The following VPS13B variants were observed in gnomAD, a reference collection of about 807,000 sequenced individuals.
VPS13B encodes the protein vacuolar protein sorting 13 homolog B, also known as intermembrane lipid transfer protein VPS13B.
Under a neutral mutation model 426.4 loss-of-function variants are expected in VPS13B, and 285 were observed. The ratio of observed to expected loss-of-function variants is 0.67; its 90% CI spans 0.61 to 0.74. The LOEUF is 0.74. Ranked by LOEUF, VPS13B falls within the 30% of genes least tolerant of loss-of-function variation. The probability of loss-of-function intolerance (pLI) is 0.00; values close to 1 mark genes in which losing one functional copy is unlikely to be tolerated. For synonymous variants in VPS13B, 1,676 were observed against 1,676.4 expected (o/e 1.00, Z 0.01); for missense variants, 4,537 against 4,782.6 (o/e 0.95, Z 1.51).
intron 17 of VPS13B, among the ~76,000 whole-genome samples, chr8:99,213,610 C>T (rs900994755): frequency 6.6e-6 from 1 of 152,170 alleles, no homozygotes; most frequent in Non-Finnish European, 1.5e-5. Context: ...CCTGTATTTT[C>T]AGCTATGCCC....
chr8:99,674,845 T>C (rs1184616932), intron 35 of VPS13B, among the ~76,000 whole-genome samples: 1 of 152,138 alleles, frequency 6.6e-6, no homozygotes, highest in African/African-American at 2.4e-5. Flanking sequence ...TCTACTCTTA[T>C]ACTCCACTAC....
chr8:99,062,477 A>AT, intron 3 of VPS13B, among the ~76,000 whole-genome samples: 1 of 151,896 alleles, frequency 6.6e-6, no homozygotes, highest in Non-Finnish European at 1.5e-5. Flanking sequence ...TTATATGTTT[A>AT]TTTTTTTTGA....
intron 11 of VPS13B, 90 bp from the exon 12 acceptor site, chr8:99,136,575 A>G (rs950706223): frequency 3.3e-6 from 4 of 1,226,810 alleles, no homozygotes; most frequent in Admixed American, 1.7e-5. Flanking sequence ...TATACATTCT[A>G]TATAAAGATA....
chr8:99,413,711 G>T (rs1815825194), intron 21 of VPS13B, among the ~76,000 whole-genome samples: 1 of 152,148 alleles, frequency 6.6e-6, no homozygotes, highest in African/African-American at 2.4e-5. Context: ...TCAGGAGCAG[G>T]TTGTTCAGTT....
At chr8:99,539,071 G>A (rs1016616449) in intron 30 of VPS13B, among the ~76,000 whole-genome samples, 123 of 152,034 alleles carry the variant, frequency 8.1e-4, no homozygotes, top group African/African-American at 2.7e-3. Context: ...AGCTATTGTC[G>A]TCATAGCTTA....
chr8:99,068,511 T>G (rs923810265), intron 3 of VPS13B, among the ~76,000 whole-genome samples: 25 of 152,216 alleles, frequency 1.6e-4, no homozygotes, highest in Non-Finnish European at 2.2e-4. Context: ...GTTTGGTTGC[T>G]TTCATGCTCC....
At chr8:99,246,784 C>A (rs542465192) in intron 17 of VPS13B, among the ~76,000 whole-genome samples, 4 of 150,756 alleles carry the variant, frequency 2.7e-5, no homozygotes, top group African/African-American at 9.8e-5. Context: ...GAGAATCACT[C>A]GAACCTAGGA....
At chr8:99,270,861 T>G (rs903091327) in intron 17 of VPS13B, among the ~76,000 whole-genome samples, 4 of 152,166 alleles carry the variant, frequency 2.6e-5, no homozygotes, top group African/African-American at 9.7e-5. Flanking sequence ...TGGAACAGGG[T>G]AAGTTATCTA....
chr8:99,247,789 TC>T (rs1817301652), intron 17 of VPS13B, among the ~76,000 whole-genome samples: 2 of 152,232 alleles, frequency 1.3e-5, no homozygotes, highest in East Asian at 3.8e-4. Flanking sequence ...AATTTTTTTT[TC>T]ATTTCACTTG....
At chr8:99,874,675 G>C (rs1439111617) in intron 61 of VPS13B, among the ~76,000 whole-genome samples, 3 of 152,066 alleles carry the variant, frequency 2.0e-5, no homozygotes, top group African/African-American at 7.2e-5. Context: ...AGGGTAGGAA[G>C]AATTTATAGC....
intron 3 of VPS13B, among the ~76,000 whole-genome samples, chr8:99,076,033 T>G (rs1204715083): frequency 6.6e-6 from 1 of 152,176 alleles, no homozygotes; most frequent in Non-Finnish European, 1.5e-5. Context: ...GCTTTTCTTG[T>G]ATCTCATGAG....
At chr8:99,581,429 A>G (rs527335934) in intron 33 of VPS13B, among the ~76,000 whole-genome samples, 43 of 152,314 alleles carry the variant, frequency 2.8e-4, no homozygotes, top group African/African-American at 9.4e-4. Context: ...TGTCTCCCAC[A>G]TTAAACAAAA....
At chr8:99,227,910 C>A (rs2132847667) in intron 17 of VPS13B, among the ~76,000 whole-genome samples, 1 of 152,264 alleles carries the variant, frequency 6.6e-6, no homozygotes, top group Non-Finnish European at 1.5e-5. Context: ...TAACACTATG[C>A]TGCTGACCCA....
chr8:99,587,518 A>G (rs188590457), intron 33 of VPS13B, among the ~76,000 whole-genome samples: 1 of 151,640 alleles, frequency 6.6e-6, no homozygotes, highest in Non-Finnish European at 1.5e-5. Flanking sequence ...CTCCATTCCA[A>G]CTGGCATGAG....
At chr8:99,150,642 G>A (rs753534782) in intron 14 of VPS13B, among the ~76,000 whole-genome samples, 58 of 152,198 alleles carry the variant, frequency 3.8e-4, no homozygotes, top group Non-Finnish European at 2.9e-4. Context: ...ATAGTATGTA[G>A]CCTTTTCACA....
intron 33 of VPS13B, among the ~76,000 whole-genome samples, chr8:99,596,830 C>T (rs1223622933): frequency 6.6e-6 from 1 of 151,924 alleles, no homozygotes; most frequent in Non-Finnish European, 1.5e-5. Context: ...TGTTTTTCTG[C>T]TGTGTGCCCT....
rs73271362 is a variant in VPS13B, at chr8:99,725,504, T to C, written c.7050+4457T>C. Reference sequence around the variant, plus strand: ...CTGATCATCTGAAGTGGAACAGTTTTATCCCAAAATCATCTCCCCACCCCT... The same window carrying C: ...CTGATCATCTGAAGTGGAACAGTTTCATCCCAAAATCATCTCCCCACCCCT... On this transcript the variant is annotated intron_variant, in intron 39 of 61. Transcript: ENST00000357162. Among the ~76,000 whole-genome samples the C allele has an allele frequency of 6.2e-3, 950 of 152,348 alleles. 8 individuals are homozygous for C. The highest frequency in any genetic ancestry group is 0.041 in the Middle Eastern group (12 of 294).
intron 19 of VPS13B, among the ~76,000 whole-genome samples, chr8:99,376,296 GT>G (rs1405072881): frequency 2.0e-5 from 3 of 152,130 alleles, no homozygotes; most frequent in Admixed American, 1.3e-4. Flanking sequence ...ATTTTTAAAG[GT>G]TGGTATCTTG....
Position 99,380,847 on chromosome 8 carries a change from C to T in VPS13B, c.2825-3361C>T, listed in dbSNP as rs375045384. Among the ~76,000 whole-genome samples, 6 of 150,910 alleles carry T rather than the reference C, an allele frequency of 4.0e-5. No homozygotes were observed. The South Asian group carries it at 8.4e-4, about 21-fold the overall frequency. ...ATTCTGACATATACTTTTTGTAGCC[C>T]CCTACCATCAGGCAGATACTTTTTC... On this transcript the variant is annotated intron_variant, in intron 19 of 61. Coordinates refer to ENST00000357162, the MANE Select transcript of VPS13B (RefSeq NM_152564.5).
Sources: gnomAD v4.1 joint callset for allele counts (sites outside exome capture counted in the v4.1 genomes callset) on GRCh38, gnomAD v4.1.1 for gene constraint, MANE v1.5 for transcripts, NCBI Gene and HGNC (gene_info 2026-07-23, HGNC 2026-07-21) for gene names.